MKLN1: variants seen among roughly 807,000 people sequenced by gnomAD.
The protein encoded by MKLN1 is muskelin.
MKLN1 carries 18 observed loss-of-function variants against 99.0 expected under a neutral mutation model. The observed-to-expected ratio is 0.18, with a 90% CI of 0.13 to 0.27. MKLN1 has a LOEUF of 0.27. Among genes scored for constraint, MKLN1 ranks in the 10% least tolerant of loss-of-function variants. The pLI is 1.00. For synonymous variants in MKLN1, 288 were observed against 293.2 expected (o/e 0.98, Z 0.18); for missense variants, 621 against 875.9 (o/e 0.71, Z 3.67).
intron 2 of MKLN1, among the ~76,000 whole-genome samples, chr7:131,192,191 A>C (rs1330535121): frequency 0.031 from 2,733 of 88,816 alleles, 259 homozygotes; most frequent in Admixed American, 0.043. Context: ...AATATATAAA[A>C]TATAATATAT....
At chr7:131,196,896 A>G (rs1034434266) in intron 2 of MKLN1, among the ~76,000 whole-genome samples, 5 of 152,260 alleles carry the variant, frequency 3.3e-5, no homozygotes, top group Admixed American at 2.0e-4. Flanking sequence ...ATGTATACAT[A>G]TACACCCCTC....
intron 3 of MKLN1, among the ~76,000 whole-genome samples, chr7:131,280,597 C>T (rs1485559221): frequency 2.0e-5 from 3 of 151,738 alleles, no homozygotes; most frequent in African/African-American, 7.3e-5. Flanking sequence ...GGTATATATT[C>T]TGTGGCAGAA....
intron 11 of MKLN1, among the ~76,000 whole-genome samples, chr7:131,445,200 A>AT (rs563123547): frequency 5.1e-4 from 77 of 151,144 alleles, no homozygotes; most frequent in African/African-American, 1.7e-3. Context: ...TATTTGTTGG[A>AT]TTTTTTTTGC....
At chr7:131,235,343 GA>G (rs1797305666) in intron 3 of MKLN1, among the ~76,000 whole-genome samples, 1 of 151,988 alleles carries the variant, frequency 6.6e-6, no homozygotes, top group African/African-American at 2.4e-5. Context: ...GAGAGAGAGA[GA>G]GCATCTTCAG....
chr7:131,381,140 T>G (rs1223539378), intron 2 of MKLN1, among the ~76,000 whole-genome samples: 1 of 152,212 alleles, frequency 6.6e-6, no homozygotes, highest in Non-Finnish European at 1.5e-5. Flanking sequence ...ACACATGTAT[T>G]TTCTCCATAA....
chr7:131,152,883 C>T (rs965158703), intron 2 of MKLN1, among the ~76,000 whole-genome samples: 1 of 151,998 alleles, frequency 6.6e-6, no homozygotes, highest in Non-Finnish European at 1.5e-5. Context: ...CTTTTAATTT[C>T]ATTTTTTTCC....
At chr7:131,132,725 C>T (rs982449603) in intron 1 of MKLN1, among the ~76,000 whole-genome samples, 5 of 151,702 alleles carry the variant, frequency 3.3e-5, no homozygotes, top group African/African-American at 7.3e-5. Context: ...AGATCAAGAC[C>T]GGCCTGGCCT....
intron 2 of MKLN1, among the ~76,000 whole-genome samples, chr7:131,186,582 A>T (rs1228272408): frequency 6.6e-6 from 1 of 152,200 alleles, no homozygotes; most frequent in Non-Finnish European, 1.5e-5. Flanking sequence ...AACATGCAGT[A>T]GGTTCCCTCA....
Position 131,274,910 on chromosome 7 carries a change from C to G in MKLN1, c.-179+71936C>G, listed in dbSNP as rs531724949. Among the ~76,000 whole-genome samples, 37 of 152,262 alleles carry G rather than the reference C, an allele frequency of 2.4e-4. 1 individual carries two copies. The highest frequency in any genetic ancestry group is 1.2e-3 in the South Asian group (6 of 4,824). On this transcript the variant is annotated intron_variant, in intron 3 of 7. Coordinates refer to the MKLN1 transcript ENST00000416992. ...GCTCCTTTCTTAGTGCTGAGACACA[C>G]AGTTGTCTTTTAAATTATTTCCCTT...
chr7:131,367,092 A>G (rs1321358278), intron 1 of MKLN1, among the ~76,000 whole-genome samples: 1 of 152,230 alleles, frequency 6.6e-6, no homozygotes, highest in Non-Finnish European at 1.5e-5. Context: ...GTGTTTCATT[A>G]TAAATTTTTA....
At chr7:131,227,661 G>A (rs1344605914) in intron 3 of MKLN1, among the ~76,000 whole-genome samples, 1 of 151,452 alleles carries the variant, frequency 6.6e-6, no homozygotes, top group African/African-American at 2.4e-5. Context: ...TGTCTCCCAG[G>A]TTCAAGCAAT....
At chr7:131,363,842 A>G (rs1305313009) in intron 1 of MKLN1, among the ~76,000 whole-genome samples, 1 of 150,480 alleles carries the variant, frequency 6.6e-6, no homozygotes, top group Admixed American at 6.6e-5. Flanking sequence ...TACCATGTTT[A>G]CAATTCTACT....
intron 1 of MKLN1, among the ~76,000 whole-genome samples, chr7:131,135,049 A>G (rs1344075425): frequency 6.6e-6 from 1 of 152,152 alleles, no homozygotes; most frequent in African/African-American, 2.4e-5. Flanking sequence ...CTCTTACAAA[A>G]AAGCCACTCT....
intron 6 of MKLN1, among the ~76,000 whole-genome samples, chr7:131,402,933 A>G (rs962652287): frequency 6.6e-6 from 1 of 152,136 alleles, no homozygotes; most frequent in Non-Finnish European, 1.5e-5. Flanking sequence ...AGGATTTTTC[A>G]GAATAGTAAA....
chr7:131,245,287 G>A (rs1385980337), intron 3 of MKLN1, among the ~76,000 whole-genome samples: 1 of 37,650 alleles, frequency 2.7e-5, no homozygotes, highest in African/African-American at 1.1e-4. Context: ...TTTTTTTTTT[G>A]AGACAGAGTC....
At chr7:131,379,909 A>G (rs1182721128) in intron 2 of MKLN1, among the ~76,000 whole-genome samples, 2 of 152,186 alleles carry the variant, frequency 1.3e-5, no homozygotes, top group Non-Finnish European at 2.9e-5. Flanking sequence ...TCTAAAAAGA[A>G]CTACTTTGGG....
At chr7:131,172,718 C>G (rs1216664968) in intron 2 of MKLN1, among the ~76,000 whole-genome samples, 1 of 152,188 alleles carries the variant, frequency 6.6e-6, no homozygotes, top group African/African-American at 2.4e-5. Context: ...GGAACTGTCT[C>G]CTATAGTAAC....
At chr7:131,396,625 A>G (rs1395857212) in intron 4 of MKLN1, among the ~76,000 whole-genome samples, 1 of 152,158 alleles carries the variant, frequency 6.6e-6, no homozygotes, top group Non-Finnish European at 1.5e-5. Flanking sequence ...TTGCTTATAT[A>G]TTGAGGGTTT....
intron 3 of MKLN1, among the ~76,000 whole-genome samples, chr7:131,304,967 C>CT (rs745478104): frequency 3.0e-4 from 45 of 152,266 alleles, no homozygotes; most frequent in Non-Finnish European, 5.7e-4. Context: ...GGCAGGCCCC[C>CT]TTTTTGCCCT....
Sources: gnomAD v4.1 joint callset for allele counts (sites outside exome capture counted in the v4.1 genomes callset) on GRCh38, gnomAD v4.1.1 for gene constraint, MANE v1.5 for transcripts, NCBI Gene and HGNC (gene_info 2026-07-23, HGNC 2026-07-21) for gene names.